ULK4: variants seen among roughly 807,000 people sequenced by gnomAD.
The protein encoded by ULK4 is unc-51 like kinase 4, also known as inactive serine/threonine-protein kinase ULK4.
ULK4 carries 133 observed loss-of-function variants against 160.6 expected under a neutral mutation model. The ratio of observed to expected loss-of-function variants is 0.83; its 90% CI spans 0.72 to 0.96. The LOEUF is 0.96. ULK4 is among the 40% of genes least tolerant of loss of function. The probability of loss-of-function intolerance (pLI) is 0.00; values close to 1 mark genes in which losing one functional copy is unlikely to be tolerated. For missense variants in ULK4, 1,580 were observed against 1,499.5 expected, an observed-to-expected ratio of 1.05 and a Z score of -0.89; for synonymous variants, 534 against 539.8, an observed-to-expected ratio of 0.99 and a Z score of 0.15.
chr3:41,278,466 C>T (rs924286065), intron 35 of ULK4, among the ~76,000 whole-genome samples: 2 of 152,206 alleles, frequency 1.3e-5, no homozygotes, highest in African/African-American at 4.8e-5. Flanking sequence ...GGCATTCGAG[C>T]TCTGAGAACA....
intron 17 of ULK4, among the ~76,000 whole-genome samples, chr3:41,856,527 A>ATGTATG (rs2042343896): frequency 1.6e-5 from 2 of 125,266 alleles, no homozygotes; most frequent in African/African-American, 6.9e-5. Context: ...ATATATATAT[A>ATGTATG]TATATGTATG....
chr3:41,281,343 C>T (rs187098469), intron 35 of ULK4, among the ~76,000 whole-genome samples: 66 of 152,176 alleles, frequency 4.3e-4, no homozygotes, highest in Non-Finnish European at 7.8e-4. Context: ...TGCAGAGACA[C>T]ACAAAAAAAG....
At chr3:41,910,196 C>T (rs1378559277) in intron 11 of ULK4, among the ~76,000 whole-genome samples, 3 of 152,198 alleles carry the variant, frequency 2.0e-5, no homozygotes, top group African/African-American at 4.8e-5. Flanking sequence ...GAGCCCGGTC[C>T]ATACTACAAA....
chr3:41,545,972 G>A (rs1156607178), intron 32 of ULK4, among the ~76,000 whole-genome samples: 1 of 152,094 alleles, frequency 6.6e-6, no homozygotes, highest in Non-Finnish European at 1.5e-5. Flanking sequence ...ACTCTGATGA[G>A]ATTTTCTACC....
intron 22 of ULK4, among the ~76,000 whole-genome samples, chr3:41,721,823 C>T (rs2037481689): frequency 1.3e-5 from 2 of 152,112 alleles, no homozygotes; most frequent in African/African-American, 4.8e-5. Flanking sequence ...TTATGCTTTC[C>T]CACAGTGTCA....
chr3:41,774,459 A>C (rs10452020), intron 21 of ULK4, among the ~76,000 whole-genome samples: 39,384 of 147,952 alleles, frequency 0.27, 7,238 homozygotes, highest in African/African-American at 0.5. Flanking sequence ...GCAGCCAAAA[A>C]ACACATGAAA....
At chr3:41,896,551 G>A (rs776276081) in intron 15 of ULK4, among the ~76,000 whole-genome samples, 1 of 152,176 alleles carries the variant, frequency 6.6e-6, no homozygotes, top group Admixed American at 6.5e-5. Context: ...ACTACGCCCA[G>A]CCTGATTTCA....
At chr3:41,608,919 A>G (rs1289695290) in intron 31 of ULK4, among the ~76,000 whole-genome samples, 3 of 152,238 alleles carry the variant, frequency 2.0e-5, no homozygotes, top group Admixed American at 6.5e-5. Context: ...TCAACATCTT[A>G]TCACTTAGCT....
chr3:41,680,560 G>A (rs1337712858), intron 29 of ULK4, among the ~76,000 whole-genome samples: 1 of 152,136 alleles, frequency 6.6e-6, no homozygotes, highest in African/African-American at 2.4e-5. Flanking sequence ...TTTCTTTAAT[G>A]TGAACCTAAT....
intron 34 of ULK4, among the ~76,000 whole-genome samples, chr3:41,420,025 C>T (rs1029262913): frequency 1.3e-5 from 2 of 151,866 alleles, no homozygotes; most frequent in African/African-American, 4.8e-5. Flanking sequence ...TTCCTTTTCC[C>T]CTTTCTCTTC....
At chr3:41,526,989 C>T (rs1469442513) in intron 32 of ULK4, among the ~76,000 whole-genome samples, 1 of 152,098 alleles carries the variant, frequency 6.6e-6, no homozygotes, top group Non-Finnish European at 1.5e-5. Flanking sequence ...AAGGAAGCTA[C>T]CAGAATAGTA....
intron 12 of ULK4, among the ~76,000 whole-genome samples, chr3:41,902,387 G>C (rs1698403193): frequency 1.3e-5 from 2 of 152,164 alleles, no homozygotes; most frequent in South Asian, 2.1e-4. Context: ...AGACCAGCCT[G>C]ACCAACATGG....
chr3:41,306,257 C>T (rs1472451242), intron 35 of ULK4, among the ~76,000 whole-genome samples: 1 of 102,278 alleles, frequency 9.8e-6, no homozygotes, highest in Non-Finnish European at 1.9e-5. Flanking sequence ...CCGCCCCGTC[C>T]GGGAGGTGAG....
intron 30 of ULK4, 52 bp from the exon 31 acceptor site, chr3:41,615,769 C>T (rs1157563792): frequency 6.5e-7 from 1 of 1,533,574 alleles, no homozygotes; most frequent in Non-Finnish European, 8.9e-7. Flanking sequence ...TTCATATTTG[C>T]ACTGATGGCC....
intron 31 of ULK4, among the ~76,000 whole-genome samples, chr3:41,594,791 G>A (rs1470270838): frequency 6.6e-6 from 1 of 152,170 alleles, no homozygotes; most frequent in Non-Finnish European, 1.5e-5. Flanking sequence ...AAACAGCAGG[G>A]GAGATGAAAG....
rs985729043 is a variant in ULK4 at position 41,942,351 on chromosome 3, T to G, written c.139-4154A>C. The stretch of plus-strand genomic sequence containing the variant: ...CTGGCCAACATGATGAAACCCTATC[T>G]CTATAAAAAATACAAAAATTAGGCA... On this transcript the variant is annotated intron_variant, in intron 2 of 36. Coordinates refer to ENST00000301831, the MANE Select transcript of ULK4 (RefSeq NM_017886.4). Among the ~76,000 whole-genome samples, 35 of 151,870 alleles carry G rather than the reference T, an allele frequency of 2.3e-4. 1 individual carries two copies. The highest frequency in any genetic ancestry group is 2.9e-5 in the Non-Finnish European group (2 of 67,944).
chr3:41,742,182 A>G (rs1322039497), intron 22 of ULK4, among the ~76,000 whole-genome samples: 1 of 151,870 alleles, frequency 6.6e-6, no homozygotes, highest in Non-Finnish European at 1.5e-5. Context: ...CAGGTGGCCC[A>G]CTTCAATTCC....
chr3:41,860,270 T>C (rs1437639327), intron 17 of ULK4, among the ~76,000 whole-genome samples: 1 of 152,220 alleles, frequency 6.6e-6, no homozygotes, highest in Non-Finnish European at 1.5e-5. Flanking sequence ...TTAAGTCTGA[T>C]GCTTCTTTGT....
chr3:41,838,496 A>T (rs960587710), intron 17 of ULK4, among the ~76,000 whole-genome samples: 4 of 152,170 alleles, frequency 2.6e-5, no homozygotes, highest in Non-Finnish European at 4.4e-5. Context: ...ATACAAAGAG[A>T]TATACTTAAA....
Sources: allele counts gnomAD v4.1 joint callset (sites outside exome capture counted in the v4.1 genomes callset), GRCh38; gene constraint gnomAD v4.1.1; transcripts MANE v1.5; gene names NCBI Gene and HGNC (gene_info 2026-07-23, HGNC 2026-07-21).